The following RBFOX1 variants were observed in gnomAD, a reference collection of about 807,000 sequenced individuals.
RBFOX1 encodes RNA binding fox-1 homolog 1.
A neutral mutation model predicts 57.7 loss-of-function variants in RBFOX1; 8 were observed. The ratio of observed to expected loss-of-function variants is 0.14; its 90% CI spans 0.08 to 0.25. RBFOX1 has a LOEUF of 0.25. Among genes scored for constraint, RBFOX1 ranks in the 10% least tolerant of loss-of-function variants. RBFOX1 has a pLI of 1.00. For synonymous variants in RBFOX1, 326 were observed against 222.4 expected, an observed-to-expected ratio of 1.47 and a Z score of -4.15; for missense variants, 611 against 548.5, an observed-to-expected ratio of 1.11 and a Z score of -1.14.
intron 4 of RBFOX1, among the ~76,000 whole-genome samples, chr16:7,434,923 A>G (rs2098710389): frequency 6.6e-6 from 1 of 152,044 alleles, no homozygotes; most frequent in Non-Finnish European, 1.5e-5. Flanking sequence ...TATTTTTAGT[A>G]GAGATGGGGT....
chr16:7,182,369 C>T (rs147854384), intron 4 of RBFOX1, among the ~76,000 whole-genome samples: 1 of 152,286 alleles, frequency 6.6e-6, no homozygotes, highest in East Asian at 1.9e-4. Context: ...CCTGAAGCCC[C>T]CTCTCTTCAT....
intron 3 of RBFOX1, among the ~76,000 whole-genome samples, chr16:6,884,999 T>C (rs1282975766): frequency 1.3e-5 from 2 of 152,208 alleles, no homozygotes; most frequent in South Asian, 2.1e-4. Flanking sequence ...TTTGGTTGTT[T>C]TCATTTCAAT....
intron 4 of RBFOX1, among the ~76,000 whole-genome samples, chr16:7,349,528 A>T (rs2097088385): frequency 8.8e-6 from 1 of 113,572 alleles, no homozygotes; most frequent in South Asian, 3.6e-4. Context: ...AATTTAAAAG[A>T]CTTTTTTTTT....
chr16:5,480,496 G>C (rs931038077), intron 2 of RBFOX1, among the ~76,000 whole-genome samples: 5 of 152,122 alleles, frequency 3.3e-5, no homozygotes, highest in African/African-American at 1.2e-4. Flanking sequence ...CCCTGCTGCC[G>C]CTGAAAATGC....
At chr16:7,626,048 G>T (rs930783343) in intron 10 of RBFOX1, among the ~76,000 whole-genome samples, 2 of 152,218 alleles carry the variant, frequency 1.3e-5, no homozygotes, top group Non-Finnish European at 2.9e-5. Context: ...AAGGTACATA[G>T]ATAGGGTTTC....
intron 3 of RBFOX1, among the ~76,000 whole-genome samples, chr16:6,993,418 C>T (rs998060185): frequency 2.4e-4 from 36 of 152,094 alleles, no homozygotes; most frequent in African/African-American, 8.7e-4. Flanking sequence ...ATTTGTAGAG[C>T]ATATTCTAAA....
intron 2 of RBFOX1, among the ~76,000 whole-genome samples, chr16:6,557,036 C>T (rs568244686): frequency 6.5e-5 from 8 of 123,736 alleles, no homozygotes; most frequent in African/African-American, 2.6e-4. Flanking sequence ...CATATATACA[C>T]ATATATATAC....
At chr16:6,988,520 C>G (rs577736338) in intron 3 of RBFOX1, among the ~76,000 whole-genome samples, 133 of 151,672 alleles carry the variant, frequency 8.8e-4, no homozygotes, top group African/African-American at 3.0e-3. Flanking sequence ...TTAGTCTTAC[C>G]TGTTTTATTT....
chr16:7,360,424 TGTGCAC>T (rs1340612636), intron 4 of RBFOX1, among the ~76,000 whole-genome samples: 2 of 152,110 alleles, frequency 1.3e-5, no homozygotes, highest in African/African-American at 2.4e-5. Context: ...ATGATGTGGG[TGTGCAC>T]GTGTGTGAAT....
At chr16:7,304,319 C>T in intron 4 of RBFOX1, 2 of 985,126 alleles carry the variant, frequency 2.0e-6, no homozygotes, top group Non-Finnish European at 2.4e-6. Flanking sequence ...TTGTAGCGCC[C>T]AGGCAGAGAG....
chr16:5,549,384 C>T (rs1024726667), intron 2 of RBFOX1, among the ~76,000 whole-genome samples: 17 of 152,120 alleles, frequency 1.1e-4, no homozygotes, highest in Admixed American at 1.0e-3. Flanking sequence ...CCCTCAGTAG[C>T]CATAATCTGG....
chr16:7,692,636 C>T (rs2077601151), intron 14 of RBFOX1, among the ~76,000 whole-genome samples: 1 of 152,124 alleles, frequency 6.6e-6, no homozygotes, highest in East Asian at 1.9e-4. Context: ...TGAATTAGAA[C>T]ACATAATATC....
rs182723003 is a variant in RBFOX1 at position 6,511,496 on chromosome 16, T to A, written c.-63-143107T>A. Among the ~76,000 whole-genome samples the A allele has an allele frequency of 2.6e-5, 4 of 152,298 alleles. No individual in the cohort carries two copies. In the East Asian group the frequency reaches 5.8e-4, roughly 22 times the overall value. Reference sequence around the variant, plus strand: ...AAACATGCGCTTTTAGAATCAAAATTAGTTTTCATGTCTGCAGAGACAAGG... The same window carrying A: ...AAACATGCGCTTTTAGAATCAAAATAAGTTTTCATGTCTGCAGAGACAAGG... On this transcript the variant is annotated intron_variant, in intron 2 of 15. Transcript: ENST00000550418.
intron 2 of RBFOX1, among the ~76,000 whole-genome samples, chr16:6,324,016 G>T (rs1599639407): frequency 6.6e-6 from 1 of 152,108 alleles, no homozygotes; most frequent in South Asian, 2.1e-4. Flanking sequence ...CAAGTGGTCT[G>T]CCCGCCTCAG....
At position 7,141,358 on chromosome 16, in the gene RBFOX1, C is replaced by G. The variant is rs143149446; in HGVS notation, c.27+89260C>G. ...TCTGGGAATCTAATGCTGACCAAGACAGATAGGACCCCTTCTCTGATGGAC... is the reference window on the plus strand; with the variant it reads ...TCTGGGAATCTAATGCTGACCAAGAGAGATAGGACCCCTTCTCTGATGGAC... On this transcript the variant is annotated intron_variant, in intron 4 of 15. Transcript: ENST00000550418. Among the ~76,000 whole-genome samples the G allele has an allele frequency of 1.9e-3, 290 of 152,242 alleles. 2 individuals are homozygous for G. Among genetic ancestry groups the G allele is most frequent in the African/African-American group, 6.2e-3 (259 of 41,556 alleles).
rs577935942 is a variant in RBFOX1 at position 6,086,028 on chromosome 16, G to A, written c.-127+66036G>A. On this transcript the variant is annotated intron_variant, in intron 1 of 15. Transcript: ENST00000550418. ...GTGATGTTCCCCTCCCTGTGTCCAT[G>A]TCTTCTCATTGTTCAGCTACTACTT... Among the ~76,000 whole-genome samples the A allele has an allele frequency of 1.2e-4, 19 of 152,084 alleles. No homozygotes were observed. In the South Asian group the frequency reaches 1.9e-3, roughly 15 times the overall value.
At chr16:5,997,502 T>C (rs918512905) in intron 4 of RBFOX1, among the ~76,000 whole-genome samples, 3 of 152,224 alleles carry the variant, frequency 2.0e-5, no homozygotes, top group Non-Finnish European at 4.4e-5. Flanking sequence ...TGGCAGATAA[T>C]GTGGCACACA....
At chr16:6,774,993 A>T (rs961772293) in intron 3 of RBFOX1, among the ~76,000 whole-genome samples, 2 of 152,056 alleles carry the variant, frequency 1.3e-5, no homozygotes, top group Non-Finnish European at 2.9e-5. Flanking sequence ...ATGTATCTTT[A>T]TTAATAATCT....
intron 4 of RBFOX1, among the ~76,000 whole-genome samples, chr16:7,456,148 CAATCCTGATT>C (rs1156488833): frequency 6.6e-5 from 10 of 152,132 alleles, no homozygotes; most frequent in Non-Finnish European, 1.3e-4. Context: ...ATTATGTGGC[CAATCCTGATT>C]AAGGGGCAGG....
Sources: allele counts gnomAD v4.1 joint callset (sites outside exome capture counted in the v4.1 genomes callset), GRCh38; gene constraint gnomAD v4.1.1; transcripts MANE v1.5; gene names NCBI Gene and HGNC (gene_info 2026-07-23, HGNC 2026-07-21).